SRPK2: variants seen among roughly 807,000 people sequenced by gnomAD.
SRPK2 encodes the protein SRSF protein kinase 2, also known as SFRS protein kinase 2.
SRPK2 carries 21 observed loss-of-function variants against 90.8 expected under a neutral mutation model. That is an observed-to-expected ratio of 0.23 (90% CI 0.16 to 0.33). The LOEUF (loss-of-function observed/expected upper bound fraction) is 0.33, where lower values mean the gene tolerates loss of function less well. SRPK2 is among the 10% of genes least tolerant of loss of function. The probability of loss-of-function intolerance (pLI) is 1.00; values close to 1 mark genes in which losing one functional copy is unlikely to be tolerated. For synonymous variants in SRPK2, 288 were observed against 311.1 expected, an observed-to-expected ratio of 0.93 and a Z score of 0.78; for missense variants, 620 against 869.0, an observed-to-expected ratio of 0.71 and a Z score of 3.60.
Position 105,301,497 on chromosome 7 carries a change from G to C in SRPK2, c.71+87151C>G. The C allele has an allele frequency of 5.7e-6, 7 of 1,231,600 alleles. No homozygotes were observed. The South Asian group carries it at 8.4e-5, about 15-fold the overall frequency. The allele number at this position is 1,231,600 out of a possible 1,614,324, so 76.3% of individuals were successfully genotyped here. On this transcript the variant is annotated intron_variant, in intron 2 of 15. Transcript: ENST00000393651. ...GTTGTTGCAAGCACCGTCCACTCAG[G>C]AGGCGCCCCGCAACCGGTGTGACGA...
intron 3 of SRPK2, among the ~76,000 whole-genome samples, chr7:105,177,756 C>T (rs2129595163): frequency 6.6e-6 from 1 of 152,290 alleles, no homozygotes; most frequent in South Asian, 2.1e-4. Context: ...GGCACGGTGG[C>T]TCACGCCTGT....
At chr7:105,315,217 T>C (rs1410986732) in intron 2 of SRPK2, among the ~76,000 whole-genome samples, 2 of 152,204 alleles carry the variant, frequency 1.3e-5, no homozygotes, top group African/African-American at 4.8e-5. Context: ...TTTTATACTC[T>C]TCTGGAAATT....
At chr7:105,264,724 C>A (rs1327335475) in intron 2 of SRPK2, among the ~76,000 whole-genome samples, 2 of 152,264 alleles carry the variant, frequency 1.3e-5, no homozygotes, top group South Asian at 2.1e-4. Context: ...AAAATGCAAA[C>A]CTATATAGCA....
At chr7:105,273,107 C>T (rs2130600065) in intron 2 of SRPK2, among the ~76,000 whole-genome samples, 1 of 151,734 alleles carries the variant, frequency 6.6e-6, no homozygotes, top group South Asian at 2.1e-4. Context: ...CCCAGCTACT[C>T]AGGAGGCTGA....
intron 3 of SRPK2, among the ~76,000 whole-genome samples, chr7:105,173,492 G>C (rs537918385): frequency 5.3e-5 from 8 of 152,120 alleles, no homozygotes; most frequent in Non-Finnish European, 1.2e-4. Context: ...TGCCAGAAGA[G>C]TGGTCTCTGT....
intron 2 of SRPK2, among the ~76,000 whole-genome samples, chr7:105,249,092 G>A (rs970783360): frequency 2.6e-5 from 4 of 152,176 alleles, no homozygotes; most frequent in African/African-American, 7.2e-5. Flanking sequence ...AAATGGAAGT[G>A]ACTGGAGAAA....
At chr7:105,354,797 A>C (rs992279637) in intron 2 of SRPK2, among the ~76,000 whole-genome samples, 8 of 152,312 alleles carry the variant, frequency 5.3e-5, no homozygotes, top group Non-Finnish European at 7.3e-5. Context: ...TAATGACTTC[A>C]GTATATTCAC....
chr7:105,395,685 G>A (rs1236359532), intron 1 of SRPK2, among the ~76,000 whole-genome samples: 1 of 151,944 alleles, frequency 6.6e-6, no homozygotes, highest in Non-Finnish European at 1.5e-5. Context: ...AGCCGAGATT[G>A]CACCACTGCA....
intron 2 of SRPK2, among the ~76,000 whole-genome samples, chr7:105,357,377 C>T (rs1482882153): frequency 6.6e-6 from 1 of 152,178 alleles, no homozygotes; most frequent in African/African-American, 2.4e-5. Context: ...TGGAGTCCTC[C>T]ATTCCTTTCA....
At chr7:105,186,935 A>C (rs2129602322) in intron 3 of SRPK2, among the ~76,000 whole-genome samples, 1 of 152,308 alleles carries the variant, frequency 6.6e-6, no homozygotes, top group East Asian at 1.9e-4. Context: ...TTTCTAGCCC[A>C]GGGGCCAGAT....
chr7:105,199,107 A>C (rs553405710), intron 3 of SRPK2, among the ~76,000 whole-genome samples: 6 of 152,348 alleles, frequency 3.9e-5, no homozygotes, highest in Admixed American at 3.3e-4. Flanking sequence ...ATTTTAAATA[A>C]GGGAAACTTG....
chr7:105,299,187 C>CA (rs1810223718), intron 2 of SRPK2, among the ~76,000 whole-genome samples: 1 of 152,226 alleles, frequency 6.6e-6, no homozygotes, highest in African/African-American at 2.4e-5. Context: ...GGTGGGGCCA[C>CA]ACAGTCTCAC....
At chr7:105,159,466 A>AAAAAAAAC (rs1554428675) in intron 7 of SRPK2, among the ~76,000 whole-genome samples, 11,195 of 112,618 alleles carry the variant, frequency 0.099, 1,117 homozygotes, top group Non-Finnish European at 0.13. Context: ...AAAAAAAAAA[A>AAAAAAAAC]AAAAAAACCG....
chr7:105,191,495 T>C (rs1794274606), intron 3 of SRPK2, among the ~76,000 whole-genome samples: 1 of 152,172 alleles, frequency 6.6e-6, no homozygotes, highest in South Asian at 2.1e-4. Context: ...GAGGTTGTAG[T>C]AGTAGTGAGC....
intron 2 of SRPK2, chr7:105,301,962 T>C (rs1810603469): frequency 9.3e-6 from 15 of 1,609,218 alleles, no homozygotes; most frequent in Non-Finnish European, 1.3e-5. Flanking sequence ...AAAGAATAAC[T>C]TTCAAAAGCC....
intron 2 of SRPK2, among the ~76,000 whole-genome samples, chr7:105,361,461 T>C (rs1818414476): frequency 6.6e-6 from 1 of 152,124 alleles, no homozygotes; most frequent in Non-Finnish European, 1.5e-5. Flanking sequence ...CTTCACAGAA[T>C]TGGAAAAAAC....
intron 2 of SRPK2, among the ~76,000 whole-genome samples, chr7:105,371,204 G>A (rs184640216): frequency 6.6e-6 from 1 of 150,660 alleles, no homozygotes; most frequent in Admixed American, 6.6e-5. Context: ...AGGAGTTCAA[G>A]ACCAGCCTGG....
chr7:105,157,979 T>C (rs567285725), intron 7 of SRPK2, among the ~76,000 whole-genome samples: 1 of 152,044 alleles, frequency 6.6e-6, no homozygotes, highest in Non-Finnish European at 1.5e-5. Flanking sequence ...GGTGGGAGGA[T>C]CACTAGAGCC....
intron 2 of SRPK2, among the ~76,000 whole-genome samples, chr7:105,288,339 G>T (rs191787295): frequency 6.6e-6 from 1 of 152,178 alleles, no homozygotes; most frequent in Admixed American, 6.5e-5. Flanking sequence ...GCTCATGCCT[G>T]TAATCCCAGC....
Sources: gnomAD v4.1 joint callset for allele counts (sites outside exome capture counted in the v4.1 genomes callset) on GRCh38, gnomAD v4.1.1 for gene constraint, MANE v1.5 for transcripts, NCBI Gene and HGNC (gene_info 2026-07-23, HGNC 2026-07-21) for gene names.